PRKAR1B: variants seen among roughly 807,000 people sequenced by gnomAD.
The protein encoded by PRKAR1B is cAMP-dependent protein kinase type I-beta regulatory subunit.
A neutral mutation model predicts 46.5 loss-of-function variants in PRKAR1B; 22 were observed. The observed-to-expected ratio is 0.47, with a 90% confidence interval of 0.34 to 0.68. The LOEUF (loss-of-function observed/expected upper bound fraction) is 0.68. Among genes scored for constraint, PRKAR1B ranks in the 30% least tolerant of loss-of-function variants. The pLI is 0.01. For missense variants in PRKAR1B, 445 were observed against 535.6 expected (o/e 0.83, Z 1.67); for synonymous variants, 259 against 217.7 (o/e 1.19, Z -1.67).
At chr7:583,609 CT>C (rs1340383645) in intron 8 of PRKAR1B, among the ~76,000 whole-genome samples, 3 of 104,344 alleles carry the variant, frequency 2.9e-5, no homozygotes, top group African/African-American at 3.5e-5. Flanking sequence ...CACACACCCC[CT>C]CACACGTGCA....
At chr7:726,823 C>T in intron 1 of PRKAR1B, 4 of 1,326,430 alleles carry the variant, frequency 3.0e-6, no homozygotes, top group Non-Finnish European at 3.8e-6. Context: ...GAGCCGCCTG[C>T]TGCCGGGGCT....
Position 699,281 on chromosome 7 carries a change from C to G in PRKAR1B, c.177+12048G>C, listed in dbSNP as rs1562350488. Among the ~76,000 whole-genome samples the G allele has an allele frequency of 3.3e-5, 5 of 152,294 alleles. No homozygotes were observed. In the South Asian group the frequency reaches 1.0e-3, roughly 32 times the overall value. On this transcript the variant is annotated intron_variant, in intron 2 of 10. Coordinates refer to ENST00000537384, the MANE Select transcript of PRKAR1B (RefSeq NM_001164760.2). ...ATGGGAATGTAAATATCTCATCTGG[C>G]CAGGCCTGCGTGAGAATTCGATGAG...
rs562095184 is a variant in PRKAR1B at position 593,156 on chromosome 7, C to A, written c.708+2990G>T. Among the ~76,000 whole-genome samples the A allele has an allele frequency of 6.6e-6, 1 of 152,194 alleles. No individual in the cohort carries two copies. Among genetic ancestry groups the A allele is most frequent in the East Asian group, 1.9e-4 (1 of 5,194 alleles). On this transcript the variant is annotated intron_variant, in intron 7 of 10. Transcript: ENST00000537384. This position sits in a 1 kb window ranked among gnomAD's most constrained non-coding sequence, Gnocchi z 6.1. ...TCACCCCATCCTTCCTCGGATAAAA[C>A]GTGAAGCGGTGGAGGAAAGAGACGG...
chr7:580,100 G>A (rs916306383), intron 8 of PRKAR1B, among the ~76,000 whole-genome samples: 1 of 151,924 alleles, frequency 6.6e-6, no homozygotes, highest in East Asian at 1.9e-4. Flanking sequence ...GCGTGGTGGT[G>A]TACACCTGTG....
chr7:556,241 G>A (rs575120784), intron 9 of PRKAR1B, among the ~76,000 whole-genome samples: 18 of 151,920 alleles, frequency 1.2e-4, no homozygotes, highest in African/African-American at 3.6e-4. Flanking sequence ...CACCCACCAC[G>A]TGCCAGGCAC....
At chr7:710,608 A>G (rs1248088814) in intron 2 of PRKAR1B, among the ~76,000 whole-genome samples, 1 of 150,322 alleles carries the variant, frequency 6.7e-6, no homozygotes, top group Non-Finnish European at 1.5e-5. Context: ...CTCAAACCCC[A>G]CATCACCTTA....
At chr7:637,032 T>C (rs1325722267) in intron 4 of PRKAR1B, among the ~76,000 whole-genome samples, 1 of 152,156 alleles carries the variant, frequency 6.6e-6, no homozygotes, top group African/African-American at 2.4e-5. Context: ...TCACACCTAA[T>C]CCCAGCACTT....
chr7:680,511 G>A lies in PRKAR1B; in HGVS notation c.348+45C>T, dbSNP rs376322618. 4.6e-5 allele frequency: 71 copies of A among 1,543,240 alleles called. No homozygotes were observed. In the African/African-American group the frequency reaches 7.2e-4, roughly 16 times the overall value. ...CAGGGAGCTCACAGGTGACAGCCAC[G>A]TGCCGAGGCCTGGGGACAGGAACCC... On this transcript the variant is annotated intron_variant, in intron 3 of 10. Coordinates refer to ENST00000537384, the MANE Select transcript of PRKAR1B (RefSeq NM_001164760.2).
Position 606,269 on chromosome 7 carries a change from CA to C in PRKAR1B, c.503-31del, listed in dbSNP as rs747165962. On this transcript the variant is annotated intron_variant, in intron 5 of 10. Coordinates refer to ENST00000537384, the MANE Select transcript of PRKAR1B (RefSeq NM_001164760.2). ...AACAAAAGAAGAAAGTCAACAGATA[CA>C]AAGTACATCCAGACATACAAGTTAC... is the stretch of plus-strand genomic sequence containing the variant. The C allele has an allele frequency of 4.4e-6, 7 of 1,605,054 alleles. No individual in the cohort carries two copies. In the South Asian group the frequency reaches 5.5e-5, roughly 13 times the overall value.
At chr7:726,547 C>G (rs1011074836) in intron 1 of PRKAR1B, 11 of 457,638 alleles carry the variant, frequency 2.4e-5, no homozygotes, top group Non-Finnish European at 3.9e-5. Context: ...GCGGGGGTTC[C>G]GGCGACAGAG....
intron 2 of PRKAR1B, among the ~76,000 whole-genome samples, chr7:698,455 C>G (rs1026771421): frequency 4.6e-5 from 7 of 151,206 alleles, no homozygotes; most frequent in African/African-American, 1.5e-4. Flanking sequence ...AGTACGTGTG[C>G]GTGTGTGCAT....
chr7:708,935 G>T (rs1780470023), intron 2 of PRKAR1B, among the ~76,000 whole-genome samples: 1 of 151,496 alleles, frequency 6.6e-6, no homozygotes, highest in African/African-American at 2.4e-5. Context: ...TGGGATTACA[G>T]GTGCGTGCCA....
chr7:566,014 T>C (rs1265825879), intron 9 of PRKAR1B, among the ~76,000 whole-genome samples: 1 of 152,198 alleles, frequency 6.6e-6, no homozygotes, highest in African/African-American at 2.4e-5. Context: ...CAGTGCATTT[T>C]CTCATCAGAC....
intron 3 of PRKAR1B, among the ~76,000 whole-genome samples, chr7:678,901 C>T (rs1778498054): frequency 6.6e-6 from 1 of 152,170 alleles, no homozygotes. Flanking sequence ...GCCTGGCCAA[C>T]ATGGTGAAAC....
In PRKAR1B at chr7:550,460, A is replaced by T. The variant is rs1487899311; in HGVS notation, c.1116T>A (p.Arg372=). ...CSEILKRNIQ[R]YNSFISLTV ...CGGTGAGGGAGATGAAGCTGTTGTA[A>T]CGCTGAATGTTCCTCTTGAGGATCT... Residue 372 remains arginine (R), a synonymous_variant, in exon 11 of 11, where the codon CGT becomes CGA. Transcript: ENST00000537384. 6.3e-7 allele frequency: 1 copy of T among 1,596,412 alleles called. No homozygotes were observed. Among genetic ancestry groups the T allele is most frequent in the South Asian group, 1.1e-5 (1 of 88,056 alleles).
intron 4 of PRKAR1B, among the ~76,000 whole-genome samples, chr7:640,464 A>T (rs962392547): frequency 1.3e-5 from 2 of 152,268 alleles, no homozygotes; most frequent in South Asian, 2.1e-4. Flanking sequence ...AGGAAATGTG[A>T]ATCAAAACCA....
At chr7:641,146 G>A (rs934069562) in intron 4 of PRKAR1B, among the ~76,000 whole-genome samples, 4 of 152,134 alleles carry the variant, frequency 2.6e-5, no homozygotes, top group South Asian at 2.1e-4. Context: ...TAGAGACGGC[G>A]TTTCACCGTG....
At chr7:692,103 T>A (rs1391554280) in intron 2 of PRKAR1B, among the ~76,000 whole-genome samples, 2 of 152,158 alleles carry the variant, frequency 1.3e-5, no homozygotes, top group Non-Finnish European at 2.9e-5. Context: ...GAGGTCTCAC[T>A]AGAAATGGCA....
At chr7:554,451 A>G (rs568358766) in intron 9 of PRKAR1B, among the ~76,000 whole-genome samples, 2 of 152,286 alleles carry the variant, frequency 1.3e-5, no homozygotes, top group East Asian at 3.9e-4. Context: ...CAGGCGATGA[A>G]CCTGACGGCC....
Sources: gnomAD v4.1 joint callset for allele counts (sites outside exome capture counted in the v4.1 genomes callset) on GRCh38, gnomAD v4.1.1 for gene constraint, Gnocchi (gnomAD v3.1) non-coding constraint, MANE v1.5 for transcripts, NCBI Gene and HGNC (gene_info 2026-07-23, HGNC 2026-07-21) for gene names.